Variants in KCNN2 observed in about 807,000 individuals in gnomAD.
The protein encoded by KCNN2 is potassium calcium-activated channel subfamily N member 2, also known as small conductance calcium-activated potassium channel protein 2.
A neutral mutation model predicts 55.5 loss-of-function variants in KCNN2; 24 were observed. The ratio of observed to expected loss-of-function variants is 0.43; its 90% CI spans 0.31 to 0.61. KCNN2 has a LOEUF of 0.61. Among genes scored for constraint, KCNN2 ranks in the 20% least tolerant of loss-of-function variants. The probability of loss-of-function intolerance (pLI) is 0.08; values close to 1 mark genes in which losing one functional copy is unlikely to be tolerated. For missense variants in KCNN2, 754 were observed against 853.6 expected (o/e 0.88, Z 1.45); for synonymous variants, 431 against 336.1 (o/e 1.28, Z -3.09).
intron 2 of KCNN2, among the ~76,000 whole-genome samples, chr5:114,262,598 A>G (rs1222544933): frequency 6.6e-6 from 1 of 152,224 alleles, no homozygotes; most frequent in Non-Finnish European, 1.5e-5. Flanking sequence ...GTAAAAGTGC[A>G]ATAGTAGCAG....
intron 3 of KCNN2, among the ~76,000 whole-genome samples, chr5:114,444,352 T>A (rs1481400283): frequency 6.6e-6 from 1 of 151,662 alleles, no homozygotes; most frequent in East Asian, 1.9e-4. Flanking sequence ...GACTTCGGAA[T>A]GTGAAGGACC....
At chr5:114,424,767 G>T (rs552678488) in intron 3 of KCNN2, among the ~76,000 whole-genome samples, 2 of 152,320 alleles carry the variant, frequency 1.3e-5, no homozygotes, top group Admixed American at 1.3e-4. Context: ...AGGCCAGAGA[G>T]AAAGTTTGAA....
At chr5:114,089,504 A>T (rs571605833) in intron 1 of KCNN2, among the ~76,000 whole-genome samples, 4 of 152,172 alleles carry the variant, frequency 2.6e-5, no homozygotes, top group Non-Finnish European at 5.9e-5. Flanking sequence ...GGCCTTGTGG[A>T]ATCTCATCCT....
intron 2 of KCNN2, among the ~76,000 whole-genome samples, chr5:114,232,427 G>A (rs1385808413): frequency 6.6e-6 from 1 of 150,714 alleles, no homozygotes; most frequent in African/African-American, 2.5e-5. Context: ...ATAATCACTG[G>A]TAACCATCAG....
chr5:114,183,149 T>A (rs568160358), intron 1 of KCNN2, among the ~76,000 whole-genome samples: 1 of 152,252 alleles, frequency 6.6e-6, no homozygotes, highest in East Asian at 1.9e-4. Context: ...TTTTATTCTT[T>A]ATAATCTTAA....
intron 2 of KCNN2, among the ~76,000 whole-genome samples, chr5:114,381,340 AT>A (rs1043006141): frequency 6.6e-6 from 1 of 151,858 alleles, no homozygotes; most frequent in East Asian, 1.9e-4. Context: ...ATTTGTTTCT[AT>A]TTTTTTTAGC....
intron 1 of KCNN2, among the ~76,000 whole-genome samples, chr5:114,073,477 T>C (rs1029508516): frequency 6.6e-6 from 1 of 152,330 alleles, no homozygotes; most frequent in Non-Finnish European, 1.5e-5. Flanking sequence ...CTTATTGTTG[T>C]AATAATCTTT....
At chr5:114,393,980 A>G (rs1337331773) in intron 2 of KCNN2, among the ~76,000 whole-genome samples, 1 of 151,908 alleles carries the variant, frequency 6.6e-6, no homozygotes, top group Non-Finnish European at 1.5e-5. Flanking sequence ...AATCATGTAC[A>G]TTCACTATTT....
intron 2 of KCNN2, among the ~76,000 whole-genome samples, chr5:114,355,955 T>C (rs1343224490): frequency 6.6e-6 from 1 of 152,066 alleles, no homozygotes; most frequent in Non-Finnish European, 1.5e-5. Flanking sequence ...CCTCACAAAT[T>C]ATTCTGTTGA....
chr5:114,056,637 C>T (rs1006235609), intron 1 of KCNN2: 5 of 389,290 alleles, frequency 1.3e-5, no homozygotes, highest in Admixed American at 8.9e-5. Flanking sequence ...TCTCCAGCAC[C>T]CACTCATACC....
chr5:114,465,258 T>C (rs1761388013), intron 4 of KCNN2, among the ~76,000 whole-genome samples: 1 of 152,208 alleles, frequency 6.6e-6, no homozygotes, highest in Non-Finnish European at 1.5e-5. Flanking sequence ...ACAAATCTTT[T>C]ATTTACCTTC....
chr5:114,138,116 C>G (rs905249304), intron 1 of KCNN2, among the ~76,000 whole-genome samples: 1 of 152,086 alleles, frequency 6.6e-6, no homozygotes, highest in Non-Finnish European at 1.5e-5. Flanking sequence ...TGAAAATCTG[C>G]TGTTTATTGT....
chr5:114,119,684 G>T lies in KCNN2; in HGVS notation c.-271+63184G>T, dbSNP rs78885402. On this transcript the variant is annotated intron_variant, in intron 1 of 10. Coordinates refer to the KCNN2 transcript ENST00000512097. ...CTTCAAGACTCTGTTTAAGATCCAC[G>T]TGTTCTAAGAAGCCCTCATTTTGGG... Among the ~76,000 whole-genome samples the T allele has an allele frequency of 3.6e-3, 546 of 152,174 alleles. 11 individuals are homozygous for T. The East Asian group carries it at 0.039, about 11-fold the overall frequency.
intron 4 of KCNN2, among the ~76,000 whole-genome samples, chr5:114,468,531 T>G (rs1761559136): frequency 6.6e-6 from 1 of 152,172 alleles, no homozygotes. Flanking sequence ...TAAATTTTAA[T>G]TATAGGCTAA....
intron 2 of KCNN2, among the ~76,000 whole-genome samples, chr5:114,282,333 C>T (rs1755640353): frequency 6.6e-6 from 1 of 151,978 alleles, no homozygotes; most frequent in Non-Finnish European, 1.5e-5. Flanking sequence ...ATTGAAATTT[C>T]CATGTGATGG....
intron 1 of KCNN2, among the ~76,000 whole-genome samples, chr5:114,086,473 C>G (rs894940404): frequency 2.0e-5 from 3 of 151,262 alleles, no homozygotes; most frequent in Non-Finnish European, 4.4e-5. Context: ...CTGTTGTTGC[C>G]ATTTTTATGT....
intron 2 of KCNN2, among the ~76,000 whole-genome samples, chr5:114,277,105 T>G (rs1365010773): frequency 6.6e-6 from 1 of 152,204 alleles, no homozygotes; most frequent in Non-Finnish European, 1.5e-5. Flanking sequence ...AAGCTTATTT[T>G]GGCTGGATAT....
chr5:114,148,462 G>A (rs115767285), intron 1 of KCNN2, among the ~76,000 whole-genome samples: 89 of 152,136 alleles, frequency 5.9e-4, no homozygotes, highest in African/African-American at 2.0e-3. Context: ...ATTGGCCACT[G>A]CTCTACCCAA....
rs550371616 is a variant in KCNN2, at chr5:114,059,968, C to G, written c.-271+3468C>G. ...GAGCCATGAGATTTGGTTTAAAGGC[C>G]AGTGTATTGCAGACATTTTTGACAG... On this transcript the variant is annotated intron_variant, in intron 1 of 10. Transcript: ENST00000512097. 2.0e-5 allele frequency among the ~76,000 whole-genome samples: 3 copies of G among 152,264 alleles called. No homozygotes were observed. The South Asian group carries it at 6.2e-4, about 32-fold the overall frequency.
Sources: allele counts gnomAD v4.1 joint callset (sites outside exome capture counted in the v4.1 genomes callset), GRCh38; gene constraint gnomAD v4.1.1; transcripts MANE v1.5; gene names NCBI Gene and HGNC (gene_info 2026-07-23, HGNC 2026-07-21).